PPFIA2: variants seen among roughly 807,000 people sequenced by gnomAD.
PPFIA2 encodes the protein liprin-alpha-2.
PPFIA2 carries 46 observed loss-of-function variants against 175.5 expected under a neutral mutation model. The observed-to-expected ratio is 0.26, with a 90% CI of 0.21 to 0.34. The LOEUF is 0.34. Ranked by LOEUF, PPFIA2 falls within the 10% of genes least tolerant of loss-of-function variation. The pLI is 1.00. For missense variants in PPFIA2, 1,179 were observed against 1,506.1 expected, an observed-to-expected ratio of 0.78 and a Z score of 3.60; for synonymous variants, 568 against 511.4, an observed-to-expected ratio of 1.11 and a Z score of -1.49.
chr12:81,520,010 CA>C (rs2062927097), intron 4 of PPFIA2, among the ~76,000 whole-genome samples: 1 of 152,170 alleles, frequency 6.6e-6, no homozygotes, highest in Non-Finnish European at 1.5e-5. Flanking sequence ...GTCTCTCTCT[CA>C]AAAATTATCT....
At chr12:81,689,274 T>C (rs779879075) in intron 3 of PPFIA2, among the ~76,000 whole-genome samples, 9 of 152,170 alleles carry the variant, frequency 5.9e-5, no homozygotes, top group Admixed American at 2.6e-4. Context: ...TTCTAAATCA[T>C]AATAAGTTAA....
chr12:81,664,355 A>C (rs968506554), intron 4 of PPFIA2, among the ~76,000 whole-genome samples: 6 of 151,608 alleles, frequency 4.0e-5, no homozygotes, highest in South Asian at 4.2e-4. Context: ...AAAAAACAAA[A>C]AACCCCATCA....
chr12:81,331,488 A>G (rs948796829), intron 21 of PPFIA2, among the ~76,000 whole-genome samples: 7 of 152,162 alleles, frequency 4.6e-5, no homozygotes, highest in Non-Finnish European at 7.4e-5. Flanking sequence ...TGTTTTTGTC[A>G]CTGTGAAATT....
intron 4 of PPFIA2, among the ~76,000 whole-genome samples, chr12:81,630,898 T>C (rs2063304590): frequency 1.8e-5 from 1 of 54,494 alleles, no homozygotes; most frequent in African/African-American, 8.0e-5. Context: ...TATATATATA[T>C]ATTTTTTTTT....
chr12:81,658,564 G>C (rs567056600), intron 4 of PPFIA2, among the ~76,000 whole-genome samples: 27 of 152,028 alleles, frequency 1.8e-4, no homozygotes, highest in African/African-American at 6.5e-4. Flanking sequence ...TATTGTGTTA[G>C]ATGAGAACAG....
At chr12:81,702,488 G>A (rs2076616196) in intron 3 of PPFIA2, among the ~76,000 whole-genome samples, 1 of 152,044 alleles carries the variant, frequency 6.6e-6, no homozygotes, top group African/African-American at 2.4e-5. Flanking sequence ...AATGTCAGTA[G>A]CAATTACTGA....
Position 81,369,114 on chromosome 12 carries a change from T to A in PPFIA2, c.1347A>T (p.Gln449His). The change falls in exon 12 of 33, where the codon CAA becomes CAT. Residue 449 changes from glutamine to histidine, a missense_variant. Coordinates refer to ENST00000549396, the MANE Select transcript of PPFIA2 (RefSeq NM_003625.5). Reference protein sequence around the residue: ...GQLEEKNQELQRARQREKMNE... With the variant: ...GQLEEKNQELHRARQREKMNE... The stretch of plus-strand genomic sequence containing the variant: ...TAATAGTTCTTAATATACATACTCT[T>A]TGAAGTTCTTGATTCTTCTCTTCAA... The A allele has an allele frequency of 6.3e-7, 1 of 1,596,816 alleles. No individual in the cohort carries two copies. Among genetic ancestry groups the A allele is most frequent in the Non-Finnish European group, 8.6e-7 (1 of 1,166,622 alleles).
chr12:81,681,486 T>C (rs1248946354), intron 3 of PPFIA2, among the ~76,000 whole-genome samples: 2 of 152,066 alleles, frequency 1.3e-5, no homozygotes, highest in East Asian at 3.9e-4. Context: ...GAGCTCTAAG[T>C]AGAGTGAGAC....
chr12:81,691,255 A>C (rs1212420592), intron 3 of PPFIA2, among the ~76,000 whole-genome samples: 1 of 152,120 alleles, frequency 6.6e-6, no homozygotes, highest in Non-Finnish European at 1.5e-5. Flanking sequence ...CTTCCATTAT[A>C]CTTATTTTCA....
At chr12:81,716,034 T>G (rs1398134713) in intron 3 of PPFIA2, among the ~76,000 whole-genome samples, 1 of 151,590 alleles carries the variant, frequency 6.6e-6, no homozygotes, top group Non-Finnish European at 1.5e-5. Flanking sequence ...TAATAACATG[T>G]AATATTCATA....
At chr12:81,496,906 A>G (rs981972292) in intron 4 of PPFIA2, among the ~76,000 whole-genome samples, 1 of 152,166 alleles carries the variant, frequency 6.6e-6, no homozygotes, top group Non-Finnish European at 1.5e-5. Context: ...ACCACAGTCT[A>G]CTCTTCTTGA....
chr12:81,467,218 T>C (rs2055831249), intron 4 of PPFIA2, among the ~76,000 whole-genome samples: 1 of 152,130 alleles, frequency 6.6e-6, no homozygotes, highest in African/African-American at 2.4e-5. Context: ...TTGGAGAGAA[T>C]ATATCTTACT....
chr12:81,320,712 A>G (rs2053474691), intron 22 of PPFIA2, among the ~76,000 whole-genome samples: 1 of 152,108 alleles, frequency 6.6e-6, no homozygotes, highest in Non-Finnish European at 1.5e-5. Flanking sequence ...TAAATATTTC[A>G]TCATTTATAT....
intron 24 of PPFIA2, among the ~76,000 whole-genome samples, chr12:81,284,797 A>C (rs2042899699): frequency 6.6e-6 from 1 of 152,148 alleles, no homozygotes; most frequent in Middle Eastern, 3.2e-3. Context: ...ATAAAGCGGG[A>C]AGCATTATCG....
At chr12:81,335,068 C>T (rs2056883725) in intron 21 of PPFIA2, among the ~76,000 whole-genome samples, 1 of 152,046 alleles carries the variant, frequency 6.6e-6, no homozygotes, top group African/African-American at 2.4e-5. Flanking sequence ...GGAATTGATG[C>T]TGTGGTAGGT....
At chr12:81,589,722 T>G (rs2058455567) in intron 4 of PPFIA2, among the ~76,000 whole-genome samples, 1 of 152,134 alleles carries the variant, frequency 6.6e-6, no homozygotes, top group African/African-American at 2.4e-5. Context: ...TATTACTCCC[T>G]CTTTGCGTTA....
intron 4 of PPFIA2, among the ~76,000 whole-genome samples, chr12:81,584,557 G>C (rs995185718): frequency 6.6e-6 from 1 of 151,132 alleles, no homozygotes; most frequent in Non-Finnish European, 1.5e-5. Flanking sequence ...GCGTAATTAG[G>C]TGATTTTGTC....
intron 4 of PPFIA2, among the ~76,000 whole-genome samples, chr12:81,637,227 G>T (rs1427827346): frequency 7.5e-6 from 1 of 134,104 alleles, no homozygotes; most frequent in African/African-American, 2.9e-5. Context: ...GCGCTACCAC[G>T]CCAGGCTAAT....
chr12:81,600,699 G>C (rs575570776), intron 4 of PPFIA2, among the ~76,000 whole-genome samples: 1 of 151,964 alleles, frequency 6.6e-6, no homozygotes, highest in Non-Finnish European at 1.5e-5. Context: ...AAATATTCTA[G>C]ATACGTGTTA....
Sources: gnomAD v4.1 joint callset for allele counts (sites outside exome capture counted in the v4.1 genomes callset) on GRCh38, gnomAD v4.1.1 for gene constraint, MANE v1.5 for transcripts, NCBI Gene and HGNC (gene_info 2026-07-23, HGNC 2026-07-21) for gene names.